Variants in NEK11 observed in about 807,000 individuals in gnomAD.
The protein encoded by NEK11 is NIMA related kinase 11, also known as serine/threonine-protein kinase Nek11.
Under a neutral mutation model 80.7 loss-of-function variants are expected in NEK11, and 72 were observed. The observed-to-expected ratio is 0.89, with a 90% CI of 0.74 to 1.08. The LOEUF (loss-of-function observed/expected upper bound fraction) is 1.08, where lower values mean the gene tolerates loss of function less well. Ranked by LOEUF, NEK11 falls within the 50% of genes least tolerant of loss-of-function variation. The pLI is 0.00. For missense variants in NEK11, 764 were observed against 763.6 expected (o/e 1.00, Z -0.01); for synonymous variants, 251 against 260.7 (o/e 0.96, Z 0.36).
In NEK11 at chr3:131,349,960, G is replaced by A. The variant is rs934634336; in HGVS notation, c.*184G>A. On this transcript the variant is annotated 3_prime_UTR_variant, in exon 18 of 18. Transcript: ENST00000383366. ...GTAAGCATGGCTGCCTATGCTTGGA[G>A]TCATAAGTGTTATTTGGACTATACC... 5.0e-6 allele frequency: 3 copies of A among 595,134 alleles called. No individual in the cohort carries two copies. The highest frequency in any genetic ancestry group is 3.7e-5 in the African/African-American group (2 of 53,716). The allele number at this position is 595,134 out of a possible 1,614,324, so 36.9% of individuals were successfully genotyped here.
chr3:131,314,386 TC>T (rs1482824807), intron 17 of NEK11, among the ~76,000 whole-genome samples: 2 of 152,070 alleles, frequency 1.3e-5, no homozygotes, highest in African/African-American at 4.8e-5. Flanking sequence ...TTTGAGAAAA[TC>T]CTCTATGCTT....
intron 14 of NEK11, among the ~76,000 whole-genome samples, chr3:131,227,088 G>A (rs2095222522): frequency 6.6e-6 from 1 of 151,694 alleles, no homozygotes; most frequent in Admixed American, 6.6e-5. Context: ...ATTGCTGAGA[G>A]AAGGTATGAG....
intron 4 of NEK11, among the ~76,000 whole-genome samples, chr3:131,107,204 T>G (rs959996818): frequency 1.3e-5 from 2 of 152,124 alleles, no homozygotes; most frequent in Non-Finnish European, 2.9e-5. Flanking sequence ...AATTCTAGCT[T>G]GTCCTTAGTA....
intron 9 of NEK11, chr3:131,154,824 C>T (rs924249413): frequency 2.9e-5 from 15 of 515,940 alleles, no homozygotes; most frequent in Admixed American, 1.9e-4. Context: ...CAAGATGAAG[C>T]TGGAGAGACA....
At chr3:131,247,181 G>A (rs1045407488) in intron 16 of NEK11, among the ~76,000 whole-genome samples, 9 of 152,030 alleles carry the variant, frequency 5.9e-5, no homozygotes, top group Non-Finnish European at 8.8e-5. Context: ...TCTTGGTAAT[G>A]AAGTATTTGG....
chr3:131,059,764 A>G (rs955652795), intron 3 of NEK11, among the ~76,000 whole-genome samples: 2 of 152,178 alleles, frequency 1.3e-5, no homozygotes, highest in East Asian at 3.8e-4. Context: ...CCTCTTTCAG[A>G]GAACTTACTG....
chr3:131,054,038 G>C (rs2068897681), intron 3 of NEK11, among the ~76,000 whole-genome samples: 1 of 152,194 alleles, frequency 6.6e-6, no homozygotes, highest in African/African-American at 2.4e-5. Context: ...GGTGTAACCC[G>C]GTTTAGAGCT....
chr3:131,196,541 CT>C (rs201876036), intron 14 of NEK11, among the ~76,000 whole-genome samples: 11 of 148,262 alleles, frequency 7.4e-5, no homozygotes, highest in Admixed American at 1.3e-4. Context: ...TTTCCTTTTT[CT>C]TTTTTTTTTG....
intron 17 of NEK11, among the ~76,000 whole-genome samples, chr3:131,310,596 T>C (rs1426751813): frequency 2.0e-5 from 3 of 152,224 alleles, no homozygotes; most frequent in Admixed American, 1.3e-4. Flanking sequence ...ACATGACAGA[T>C]ATACTTTCAA....
intron 3 of NEK11, among the ~76,000 whole-genome samples, chr3:131,035,005 C>G (rs188784499): frequency 6.6e-6 from 1 of 152,234 alleles, no homozygotes; most frequent in East Asian, 1.9e-4. Context: ...GATCGTACAC[C>G]TTGGTCTTTG....
chr3:131,338,270 T>G (rs1269590385), intron 17 of NEK11, among the ~76,000 whole-genome samples: 1 of 146,722 alleles, frequency 6.8e-6, no homozygotes, highest in Non-Finnish European at 1.5e-5. Flanking sequence ...CAGCTGGTTT[T>G]TTTTTTTTTT....
chr3:131,134,184 G>A (rs1049268834), intron 7 of NEK11: 8 of 361,140 alleles, frequency 2.2e-5, no homozygotes, highest in Non-Finnish European at 3.9e-5. Flanking sequence ...TTGGATTTTT[G>A]GTTCCTGAAT....
intron 14 of NEK11, among the ~76,000 whole-genome samples, chr3:131,177,673 T>C (rs1426070275): frequency 6.6e-6 from 1 of 152,244 alleles, no homozygotes. Flanking sequence ...GTACTGAGGT[T>C]GTGAACCTGA....
intron 14 of NEK11, among the ~76,000 whole-genome samples, chr3:131,221,899 G>A (rs1165983869): frequency 6.6e-6 from 1 of 152,134 alleles, no homozygotes; most frequent in Non-Finnish European, 1.5e-5. Context: ...AGAAACACTG[G>A]GTGTGGGAGC....
chr3:131,114,309 G>C (rs551635699), intron 5 of NEK11, among the ~76,000 whole-genome samples: 39 of 19,556 alleles, frequency 2.0e-3, no homozygotes, highest in African/African-American at 0.012. Context: ...AAAAAGCCAA[G>C]ACTATTCACA....
intron 4 of NEK11, among the ~76,000 whole-genome samples, chr3:131,104,831 C>T (rs1029178501): frequency 2.6e-5 from 4 of 152,066 alleles, no homozygotes; most frequent in African/African-American, 4.8e-5. Context: ...CCAGGGGAGC[C>T]GGGGGCCTCT....
chr3:131,125,924 T>C (rs2083260202), intron 5 of NEK11, among the ~76,000 whole-genome samples: 2 of 152,214 alleles, frequency 1.3e-5, no homozygotes. Context: ...AGGCCACATA[T>C]AGAACTGTAG....
In NEK11 at chr3:131,198,127, C is replaced by T. The variant is rs185997189; in HGVS notation, c.1399+27240C>T. On this transcript the variant is annotated intron_variant, in intron 14 of 17. Coordinates refer to ENST00000383366, the MANE Select transcript of NEK11 (RefSeq NM_024800.5). The stretch of plus-strand genomic sequence containing the variant: ...TTTTCCTTCTCCTAATTCTAGTGCC[C>T]GAGTGAGGGCTGTTAGTTTTGCCAG... Among the ~76,000 whole-genome samples, 473 of 152,172 alleles carry T rather than the reference C, an allele frequency of 3.1e-3. 1 individual carries two copies. The highest frequency in any genetic ancestry group is 6.8e-3 in the Middle Eastern group (2 of 294).
rs565461418 is a variant in NEK11 at position 131,335,404 on chromosome 3, G to A, written c.1719-14153G>A. Among the ~76,000 whole-genome samples the A allele has an allele frequency of 6.6e-5, 10 of 152,308 alleles. No individual in the cohort carries two copies. The East Asian group carries it at 1.9e-3, about 29-fold the overall frequency. ...CTCAATAGATGCAGAAAAGGCCTTT[G>A]ACAAAATTCAACAACCTTCATGCTA... On this transcript the variant is annotated intron_variant, in intron 17 of 17. Transcript: ENST00000383366.
Sources: allele counts gnomAD v4.1 joint callset (sites outside exome capture counted in the v4.1 genomes callset), GRCh38; gene constraint gnomAD v4.1.1; transcripts MANE v1.5; gene names NCBI Gene and HGNC (gene_info 2026-07-23, HGNC 2026-07-21).